The following GPC5 variants were observed in gnomAD, a reference collection of about 807,000 sequenced individuals.
GPC5 encodes glypican-5.
A neutral mutation model predicts 53.9 loss-of-function variants in GPC5; 47 were observed. That is an observed-to-expected ratio of 0.87 (90% confidence interval 0.69 to 1.11). GPC5 has a LOEUF of 1.11. GPC5 is among the 50% of genes most tolerant of loss of function. The pLI is 0.00. For missense variants in GPC5, 748 were observed against 713.1 expected (o/e 1.05, Z -0.56); for synonymous variants, 286 against 263.3 (o/e 1.09, Z -0.84).
At chr13:92,468,409 C>T (rs769825362) in intron 7 of GPC5, among the ~76,000 whole-genome samples, 1 of 152,062 alleles carries the variant, frequency 6.6e-6, no homozygotes, top group African/African-American at 2.4e-5. Context: ...GCCTGTTAGT[C>T]TGGGGAGAAA....
intron 6 of GPC5, among the ~76,000 whole-genome samples, chr13:92,023,696 T>C (rs1536373): frequency 1.0e-5 from 1 of 97,734 alleles, no homozygotes; most frequent in Non-Finnish European, 2.1e-5. Context: ...ACACACACAC[T>C]CTCTCTCTCT....
At chr13:91,434,428 A>C (rs1428292018) in intron 1 of GPC5, among the ~76,000 whole-genome samples, 1 of 152,138 alleles carries the variant, frequency 6.6e-6, no homozygotes, top group South Asian at 2.1e-4. Context: ...ATGGCTAGCC[A>C]GTTTTCCCAG....
At chr13:92,215,244 T>A (rs561656515) in intron 7 of GPC5, among the ~76,000 whole-genome samples, 47 of 152,274 alleles carry the variant, frequency 3.1e-4, no homozygotes, top group African/African-American at 1.1e-3. Context: ...TTAAAACACA[T>A]TAGTATCTGT....
intron 7 of GPC5, among the ~76,000 whole-genome samples, chr13:92,718,467 G>A (rs371007589): frequency 1.4e-4 from 21 of 152,036 alleles, no homozygotes; most frequent in African/African-American, 4.1e-4. Flanking sequence ...CAAACTTCAC[G>A]TTTTCACCCA....
chr13:92,165,917 T>C (rs1163479343), intron 7 of GPC5, among the ~76,000 whole-genome samples: 1 of 152,162 alleles, frequency 6.6e-6, no homozygotes, highest in Non-Finnish European at 1.5e-5. Flanking sequence ...TTAGTTTCAG[T>C]GAGCATGATG....
At chr13:92,781,311 C>T (rs893214014) in intron 7 of GPC5, among the ~76,000 whole-genome samples, 1 of 151,950 alleles carries the variant, frequency 6.6e-6, no homozygotes, top group Non-Finnish European at 1.5e-5. Context: ...TACTACTGAA[C>T]AGGTTTACTC....
chr13:92,272,025 A>G (rs918183768), intron 7 of GPC5, among the ~76,000 whole-genome samples: 1 of 152,200 alleles, frequency 6.6e-6, no homozygotes. Flanking sequence ...TTATTTGGCA[A>G]ACCTACATCC....
At chr13:92,295,700 A>G (rs187917932) in intron 7 of GPC5, among the ~76,000 whole-genome samples, 1 of 152,298 alleles carries the variant, frequency 6.6e-6, no homozygotes. Context: ...GCCTTTTATC[A>G]TTATATAATG....
intron 7 of GPC5, among the ~76,000 whole-genome samples, chr13:92,352,646 C>T (rs1232613434): frequency 6.6e-6 from 1 of 152,016 alleles, no homozygotes; most frequent in African/African-American, 2.4e-5. Flanking sequence ...TCAAGATAGC[C>T]CTCTGATGCC....
intron 2 of GPC5, among the ~76,000 whole-genome samples, chr13:91,536,290 G>A (rs1410134357): frequency 2.6e-5 from 4 of 152,094 alleles, no homozygotes; most frequent in African/African-American, 4.8e-5. Flanking sequence ...AGCAGTTGAC[G>A]AAAAATCACT....
chr13:92,417,796 C>T (rs537774320), intron 7 of GPC5, among the ~76,000 whole-genome samples: 25 of 152,204 alleles, frequency 1.6e-4, no homozygotes, highest in Non-Finnish European at 2.2e-4. Flanking sequence ...GGGGCTGATG[C>T]GGGAGGATTG....
intron 7 of GPC5, among the ~76,000 whole-genome samples, chr13:92,555,743 A>G (rs1479120569): frequency 1.3e-5 from 2 of 149,832 alleles, no homozygotes; most frequent in African/African-American, 4.9e-5. Flanking sequence ...ATAAATTTAT[A>G]CATTAATACA....
At chr13:92,548,851 G>C (rs908673212) in intron 7 of GPC5, among the ~76,000 whole-genome samples, 1 of 151,850 alleles carries the variant, frequency 6.6e-6, no homozygotes, top group Non-Finnish European at 1.5e-5. Context: ...CACATTATAT[G>C]CCTGTATCAA....
intron 7 of GPC5, among the ~76,000 whole-genome samples, chr13:92,740,286 T>A (rs1420397624): frequency 2.0e-5 from 3 of 152,068 alleles, no homozygotes; most frequent in Non-Finnish European, 2.9e-5. Context: ...CACCATGCAC[T>A]TTGGCACTTC....
chr13:92,657,579 GTTTTTTTTTTTT>G (rs67038073), intron 7 of GPC5, among the ~76,000 whole-genome samples: 17 of 106,730 alleles, frequency 1.6e-4, no homozygotes, highest in Admixed American at 8.7e-4. Flanking sequence ...AGGTTTTTTG[GTTTTTTTTTTTT>G]TTTTTTTTTT....
chr13:91,590,533 C>G (rs1161039706), intron 2 of GPC5, among the ~76,000 whole-genome samples: 4 of 151,986 alleles, frequency 2.6e-5, no homozygotes, highest in African/African-American at 9.7e-5. Context: ...ATCCCTTTAC[C>G]CAGAAATAAA....
At chr13:91,674,464 C>T (rs2035325574) in intron 2 of GPC5, among the ~76,000 whole-genome samples, 1 of 149,946 alleles carries the variant, frequency 6.7e-6, no homozygotes, top group Admixed American at 6.7e-5. Flanking sequence ...CACACACACG[C>T]ACATATACAC....
chr13:92,626,579 G>A (rs147588141), intron 7 of GPC5, among the ~76,000 whole-genome samples: 19 of 152,274 alleles, frequency 1.2e-4, no homozygotes, highest in Admixed American at 2.0e-4. Context: ...GAGATCTTTC[G>A]TAAAGAACTG....
At chr13:92,014,828 C>A (rs1719150604) in intron 6 of GPC5, among the ~76,000 whole-genome samples, 1 of 152,098 alleles carries the variant, frequency 6.6e-6, no homozygotes, top group South Asian at 2.1e-4. Flanking sequence ...GCACTCAGAT[C>A]TATGCATTAG....
Sources: gnomAD v4.1 joint callset for allele counts (sites outside exome capture counted in the v4.1 genomes callset) on GRCh38, gnomAD v4.1.1 for gene constraint, MANE v1.5 for transcripts, NCBI Gene and HGNC (gene_info 2026-07-23, HGNC 2026-07-21) for gene names.